BCL2L11: variants seen among roughly 807,000 people sequenced by gnomAD.
BCL2L11 encodes the protein BCL2 like 11.
A neutral mutation model predicts 20.6 loss-of-function variants in BCL2L11; 15 were observed. The ratio of observed to expected loss-of-function variants is 0.73; its 90% CI spans 0.49 to 1.12. The LOEUF is 1.12. Ranked by LOEUF, BCL2L11 falls within the 50% of genes most tolerant of loss-of-function variation. The probability of loss-of-function intolerance (pLI) is 0.00; values close to 1 mark genes in which losing one functional copy is unlikely to be tolerated. For missense variants in BCL2L11, 292 were observed against 260.9 expected (o/e 1.12, Z -0.82); for synonymous variants, 108 against 92.8 (o/e 1.16, Z -0.94).
intron 2 of BCL2L11, chr2:111,145,889 T>C: frequency 4.6e-6 from 4 of 872,872 alleles, no homozygotes; most frequent in African/African-American, 1.8e-5. Context: ...ATCTGACATA[T>C]TGCATTATAA....
chr2:111,135,151 G>C (rs11892793), intron 2 of BCL2L11, among the ~76,000 whole-genome samples: 2,755 of 152,194 alleles, frequency 0.018, 88 homozygotes, highest in African/African-American at 0.063. Context: ...TGTTAGTCCT[G>C]TAAGTTCCTG....
chr2:111,142,822 C>T (rs1387088530), intron 2 of BCL2L11, among the ~76,000 whole-genome samples: 1 of 152,138 alleles, frequency 6.6e-6, no homozygotes, highest in African/African-American at 2.4e-5. Flanking sequence ...TTTAAATTCT[C>T]ATCTCCCTCC....
At chr2:111,164,090 C>CCA in intron 3 of BCL2L11, 43 bp from the exon 4 acceptor site, 5 of 1,164,040 alleles carry the variant, frequency 4.3e-6, no homozygotes, top group East Asian at 4.8e-5. Flanking sequence ...TCCCCACCCC[C>CCA]AAATTAGGGA....
Position 111,137,633 on chromosome 2 carries a change from CTT to C in BCL2L11, c.395-12392_395-12391del, listed in dbSNP as rs575699231. 6.0e-3 allele frequency among the ~76,000 whole-genome samples: 795 copies of C among 132,892 alleles called. 7 individuals are homozygous for C. Among genetic ancestry groups the C allele is most frequent in the African/African-American group, 0.021 (728 of 35,506 alleles). The allele number at this position is 132,892 out of a possible 152,430, so 87.2% of individuals were successfully genotyped here. On this transcript the variant is annotated intron_variant, in intron 2 of 3. Coordinates refer to ENST00000393256, the MANE Select transcript of BCL2L11 (RefSeq NM_138621.5). ...GCAGAAGATGTAACATTCCTCCCCACTTTTTTTTTTTTTTTTTTTTCAGGAAA... is the reference window on the plus strand; with the variant it reads ...GCAGAAGATGTAACATTCCTCCCCACTTTTTTTTTTTTTTTTTTCAGGAAA...
rs961546852 is a variant in BCL2L11 at position 111,164,348 on chromosome 2, G to A, written c.*117G>A. 2.5e-5 allele frequency: 19 copies of A among 756,822 alleles called. No individual in the cohort carries two copies. The highest frequency in any genetic ancestry group is 4.5e-5 in the Non-Finnish European group (19 of 426,442). The allele number at this position is 756,822 out of a possible 1,614,324, so 46.9% of individuals were successfully genotyped here. On this transcript the variant is annotated 3_prime_UTR_variant, in exon 4 of 4. Coordinates refer to ENST00000393256, the MANE Select transcript of BCL2L11 (RefSeq NM_138621.5). ...TGCAGCCAGCGGTTCTCTTGTGGAG[G>A]GGGCAGGTGACGTTTCAGAAGACAC... is the stretch of plus-strand genomic sequence containing the variant.
chr2:111,152,033 A>G (rs79493742), intron 3 of BCL2L11: 76,317 of 727,928 alleles, frequency 0.1, 5,236 homozygotes, highest in Non-Finnish European at 0.13. Flanking sequence ...ATTGACTAGG[A>G]AGAACTGGTG....
chr2:111,160,547 G>A (rs929952778), intron 3 of BCL2L11, among the ~76,000 whole-genome samples: 45 of 152,158 alleles, frequency 3.0e-4, no homozygotes, highest in Admixed American at 5.9e-4. Context: ...ACATGGGATG[G>A]CCACAAAAGG....
chr2:111,130,004 C>G, intron 2 of BCL2L11: 1 of 295,088 alleles, frequency 3.4e-6, no homozygotes, highest in South Asian at 2.5e-5. Flanking sequence ...GTTTGCTTAG[C>G]TATTCACCTG....
chr2:111,163,909 T>C (rs552588547), intron 3 of BCL2L11, among the ~76,000 whole-genome samples: 2 of 149,830 alleles, frequency 1.3e-5, no homozygotes, highest in Admixed American at 1.3e-4. Context: ...AAATCATTGG[T>C]ATGCCTGCCC....
rs867671204 is a variant in BCL2L11, at chr2:111,123,178, C to G, written c.-13-555C>G. 69 of 985,440 alleles carry G rather than the reference C, an allele frequency of 7.0e-5. No individual in the cohort carries two copies. In the Middle Eastern group the frequency reaches 2.1e-3, roughly 30 times the overall value. The allele number at this position is 985,440 out of a possible 1,614,324, so 61.0% of individuals were successfully genotyped here. ...GCACGGGCGGAGAGAGCGCCAGAGC[C>G]GGGCCGAGCCGCGCTGGAGTTACAA... is the stretch of plus-strand genomic sequence containing the variant. On this transcript the variant is annotated intron_variant, in intron 1 of 3. Transcript: ENST00000393256.
rs560207300 is a variant in BCL2L11 at position 111,148,189 on chromosome 2, T to C, written c.395-1855T>C. Reference sequence around the variant, plus strand: ...TGTGTAGTGAGAAACAGGTGGAGCTTGAAGCTCAGGAGAGGTGGGTGATGG... The same window carrying C: ...TGTGTAGTGAGAAACAGGTGGAGCTCGAAGCTCAGGAGAGGTGGGTGATGG... On this transcript the variant is annotated intron_variant, in intron 2 of 3. Coordinates refer to ENST00000393256, the MANE Select transcript of BCL2L11 (RefSeq NM_138621.5). 5.9e-5 allele frequency among the ~76,000 whole-genome samples: 9 copies of C among 152,290 alleles called. No individual in the cohort carries two copies. The South Asian group carries it at 1.9e-3, about 32-fold the overall frequency.
At chr2:111,123,409 C>T (rs1459840017) in intron 1 of BCL2L11, 3 of 985,332 alleles carry the variant, frequency 3.0e-6, no homozygotes, top group African/African-American at 3.5e-5. Flanking sequence ...CTGACTTACT[C>T]GAAGAAGTCT....
chr2:111,161,558 T>G (rs2150587316), intron 3 of BCL2L11: 26 of 1,540,576 alleles, frequency 1.7e-5, no homozygotes, highest in Non-Finnish European at 2.3e-5. Flanking sequence ...TGGGTGTGTT[T>G]ATTGTCTTAG....
rs1341762363 is a variant in BCL2L11 at position 111,168,225 on chromosome 2, T to C, written c.*3994T>C. ...AACTCATCAGGTACCCACTTATAAA[T>C]AGCACTGATCTGGCTGTATACTGAT... On this transcript the variant is annotated 3_prime_UTR_variant, in exon 4 of 4. Transcript: ENST00000393256. 3 of 152,646 alleles carry C rather than the reference T, an allele frequency of 2.0e-5. No individual in the cohort carries two copies. The highest frequency in any genetic ancestry group is 1.9e-4 in the East Asian group (1 of 5,192). 9.5% of individuals were successfully genotyped at this position (152,646 alleles called of 1,614,324 possible).
chr2:111,164,209 G>C lies in BCL2L11; in HGVS notation c.575G>C (p.Arg192Pro), dbSNP rs1466732626. ...VILRLLRYIV[R>P]LVWRMH ...TTACGACTGTTACGTTACATTGTCC[G>C]CCTGGTGTGGAGAATGCATTGACAG... The change falls in exon 4 of 4, where the codon CGC becomes CCC. Residue 192 changes from arginine (R) to proline (P), a missense_variant. Arg to Pro is a moderately radical substitution (Grantham distance 103). Coordinates refer to ENST00000393256, the MANE Select transcript of BCL2L11 (RefSeq NM_138621.5). 6.2e-7 allele frequency: 1 copy of C among 1,611,954 alleles called. No homozygotes were observed. The highest frequency in any genetic ancestry group is 1.1e-5 in the South Asian group (1 of 90,996).
chr2:111,138,584 C>T (rs970225404), intron 2 of BCL2L11, among the ~76,000 whole-genome samples: 13 of 152,308 alleles, frequency 8.5e-5, no homozygotes, highest in African/African-American at 2.2e-4. Flanking sequence ...CGAAAGTACT[C>T]GGGGTGAACA....
At position 111,165,214 on chromosome 2, in the gene BCL2L11, T is replaced by G. The variant is rs1350250942; in HGVS notation, c.*983T>G. 1 of 152,272 alleles carries G rather than the reference T, an allele frequency of 6.6e-6. No homozygotes were observed. The highest frequency in any genetic ancestry group is 1.5e-5 in the Non-Finnish European group (1 of 68,068). The allele number at this position is 152,272 out of a possible 1,614,324, so 9.4% of individuals were successfully genotyped here. On this transcript the variant is annotated 3_prime_UTR_variant, in exon 4 of 4. Coordinates refer to ENST00000393256, the MANE Select transcript of BCL2L11 (RefSeq NM_138621.5). ...AACAGACTTAAGTGCTACGCCCCTTTGTGCTGCTGGCTTTTCTGGTTGCAG... is the reference window on the plus strand; with the variant it reads ...AACAGACTTAAGTGCTACGCCCCTTGGTGCTGCTGGCTTTTCTGGTTGCAG...
chr2:111,150,283 A>T, intron 3 of BCL2L11, 136 bp downstream of exon 3: 9 of 1,479,740 alleles, frequency 6.1e-6, no homozygotes, highest in Non-Finnish European at 8.1e-6. Flanking sequence ...GTGACCTTTC[A>T]TTGTTTCTCC....
At chr2:111,134,906 T>G (rs2074592840) in intron 2 of BCL2L11, among the ~76,000 whole-genome samples, 1 of 152,250 alleles carries the variant, frequency 6.6e-6, no homozygotes, top group African/African-American at 2.4e-5. Context: ...CTAAGTTATG[T>G]GTCATTCCTA....
Sources: gnomAD v4.1 joint callset for allele counts (sites outside exome capture counted in the v4.1 genomes callset) on GRCh38, gnomAD v4.1.1 for gene constraint, MANE v1.5 for transcripts, NCBI Gene and HGNC (gene_info 2026-07-23, HGNC 2026-07-21) for gene names.